Variants in CEP128 observed in about 807,000 individuals in gnomAD.
CEP128 encodes the protein centrosomal protein 128, also known as centrosomal protein 128kDa.
A neutral mutation model predicts 156.7 loss-of-function variants in CEP128; 132 were observed. The ratio of observed to expected loss-of-function variants is 0.84; its 90% CI spans 0.73 to 0.97. CEP128 has a LOEUF of 0.97. CEP128 is among the 50% of genes least tolerant of loss of function. CEP128 has a pLI of 0.00. For synonymous variants in CEP128, 469 were observed against 448.9 expected (o/e 1.04, Z -0.57); for missense variants, 1,252 against 1,281.9 (o/e 0.98, Z 0.36).
chr14:80,485,853 T>C (rs2140152129), downstream of CEP128, among the ~76,000 whole-genome samples: 1 of 152,316 alleles, frequency 6.6e-6, no homozygotes, highest in Non-Finnish European at 1.5e-5. Context: ...CCAAAGTAGA[T>C]AACAGCAGGT....
intron 22 of CEP128, among the ~76,000 whole-genome samples, chr14:80,528,255 T>C (rs1295473241): frequency 6.6e-6 from 1 of 152,220 alleles, no homozygotes; most frequent in Non-Finnish European, 1.5e-5. Context: ...TAATCAAAAA[T>C]GTAATGTTTA....
chr14:80,831,899 T>C (rs1885820536), intron 12 of CEP128, among the ~76,000 whole-genome samples: 4 of 152,206 alleles, frequency 2.6e-5, no homozygotes, highest in South Asian at 2.1e-4. Flanking sequence ...TCATCCTCAA[T>C]GAGCTTACAT....
chr14:80,544,486 A>G (rs1274721857), intron 21 of CEP128, among the ~76,000 whole-genome samples: 3 of 152,062 alleles, frequency 2.0e-5, no homozygotes, highest in Non-Finnish European at 4.4e-5. Context: ...TCATCTCTCT[A>G]GTATCTTTTG....
chr14:80,667,246 G>A lies in CEP128; in HGVS notation c.2806+75829C>T, dbSNP rs184158387. Among the ~76,000 whole-genome samples the A allele has an allele frequency of 3.2e-4, 48 of 152,324 alleles. No individual in the cohort carries two copies. The East Asian group carries it at 9.1e-3, about 29-fold the overall frequency. On this transcript the variant is annotated intron_variant, in intron 19 of 24. Coordinates refer to ENST00000555265, the MANE Select transcript of CEP128 (RefSeq NM_152446.5). The stretch of plus-strand genomic sequence containing the variant: ...GGCAGGCTGATGAAAAATGCTGCCT[G>A]AGACCATGAGGCTGACTGAAGCTGA...
intron 8 of CEP128, among the ~76,000 whole-genome samples, chr14:80,874,242 C>A (rs913494835): frequency 6.6e-6 from 1 of 151,942 alleles, no homozygotes; most frequent in Non-Finnish European, 1.5e-5. Flanking sequence ...GGCAGGCTGA[C>A]CATCTGAGGT....
chr14:80,682,232 GAAGAA>G (rs1331747457), intron 19 of CEP128, among the ~76,000 whole-genome samples: 1 of 152,134 alleles, frequency 6.6e-6, no homozygotes, highest in Admixed American at 6.5e-5. Flanking sequence ...TCCAGTAAGT[GAAGAA>G]AAAGATAAGC....
chr14:80,633,616 C>T (rs1473118789), intron 19 of CEP128, among the ~76,000 whole-genome samples: 2 of 152,192 alleles, frequency 1.3e-5, no homozygotes, highest in Non-Finnish European at 2.9e-5. Context: ...CCTCTTGCAT[C>T]CCTATTCCCA....
chr14:80,806,903 A>G (rs1884208679), intron 13 of CEP128, among the ~76,000 whole-genome samples: 1 of 152,202 alleles, frequency 6.6e-6, no homozygotes, highest in Non-Finnish European at 1.5e-5. Context: ...ATAGAGCATT[A>G]TGGTTTATTT....
intron 7 of CEP128, among the ~76,000 whole-genome samples, chr14:80,896,041 C>A (rs1409036106): frequency 6.6e-6 from 1 of 152,120 alleles, no homozygotes; most frequent in Non-Finnish European, 1.5e-5. Context: ...CTAAGTGATG[C>A]AGAAACAGAG....
At chr14:80,854,176 T>G (rs1003322766) in intron 9 of CEP128, among the ~76,000 whole-genome samples, 2 of 152,012 alleles carry the variant, frequency 1.3e-5, no homozygotes, top group African/African-American at 4.8e-5. Flanking sequence ...TGGCAAAAAC[T>G]TAAAGAATTA....
At chr14:80,677,229 A>C (rs1896097916) in intron 19 of CEP128, among the ~76,000 whole-genome samples, 1 of 152,212 alleles carries the variant, frequency 6.6e-6, no homozygotes, top group Non-Finnish European at 1.5e-5. Flanking sequence ...TAAAAAGGCC[A>C]GGCGTGGTGG....
In CEP128 at chr14:80,835,049, C is replaced by T. The variant is rs548948581; in HGVS notation, c.1057+1156G>A. The stretch of plus-strand genomic sequence containing the variant: ...GGAGTGAGTTCTTGCTCTCCTGAGG[C>T]TGGACTGGTTCTCAAGGGAACTGAT... On this transcript the variant is annotated intron_variant, in intron 12 of 24. Coordinates refer to ENST00000555265, the MANE Select transcript of CEP128 (RefSeq NM_152446.5). Among the ~76,000 whole-genome samples the T allele has an allele frequency of 3.3e-5, 5 of 152,246 alleles. No homozygotes were observed. The East Asian group carries it at 9.7e-4, about 29-fold the overall frequency.
At chr14:80,659,032 C>T (rs1895288954) in intron 19 of CEP128, among the ~76,000 whole-genome samples, 2 of 152,094 alleles carry the variant, frequency 1.3e-5, no homozygotes, top group African/African-American at 4.8e-5. Flanking sequence ...AATTTAGAGA[C>T]ATGTTTAGAA....
At chr14:80,930,178 C>A (rs542431346) in intron 2 of CEP128, among the ~76,000 whole-genome samples, 1 of 152,284 alleles carries the variant, frequency 6.6e-6, no homozygotes, top group East Asian at 1.9e-4. Flanking sequence ...GCTACAAATA[C>A]AAATTAACAT....
intron 2 of CEP128, chr14:80,955,539 G>T (rs1207947271): frequency 1.0e-6 from 1 of 985,804 alleles, no homozygotes; most frequent in Non-Finnish European, 1.6e-6. Context: ...CTCCACAGTG[G>T]TGAGGTCACA....
At chr14:80,626,929 C>T (rs1476129035) in intron 19 of CEP128, among the ~76,000 whole-genome samples, 1 of 152,090 alleles carries the variant, frequency 6.6e-6, no homozygotes, top group Non-Finnish European at 1.5e-5. Flanking sequence ...AGGACTTCGT[C>T]CCCCCATCAC....
chr14:80,523,385 G>C (rs943773811), intron 23 of CEP128, among the ~76,000 whole-genome samples: 3 of 152,000 alleles, frequency 2.0e-5, no homozygotes, highest in African/African-American at 7.3e-5. Context: ...CAGTTTATTG[G>C]GGCCACTTTT....
At chr14:80,821,409 C>A (rs1335242679) in intron 13 of CEP128, among the ~76,000 whole-genome samples, 1 of 152,160 alleles carries the variant, frequency 6.6e-6, no homozygotes, top group Non-Finnish European at 1.5e-5. Flanking sequence ...TAATTACTTA[C>A]TCAAGGAACA....
chr14:80,729,056 GGGGTGTGTGTGTGTGT>G (rs1284787766), intron 19 of CEP128, among the ~76,000 whole-genome samples: 899 of 88,212 alleles, frequency 0.01, 36 homozygotes, highest in African/African-American at 0.023. Context: ...TGGGCTGGTG[GGGGTGTGTGTGTGTGT>G]GTGTGTGTGT....
Sources: allele counts gnomAD v4.1 joint callset (sites outside exome capture counted in the v4.1 genomes callset), GRCh38; gene constraint gnomAD v4.1.1; transcripts MANE v1.5; gene names NCBI Gene and HGNC (gene_info 2026-07-23, HGNC 2026-07-21).